XKR9: variants seen among roughly 807,000 people sequenced by gnomAD.
XKR9 encodes XK related 9.
A neutral mutation model predicts 32.0 loss-of-function variants in XKR9; 32 were observed. That is an observed-to-expected ratio of 1.00 (90% CI 0.76 to 1.34). The LOEUF is 1.34. XKR9 is among the 40% of genes most tolerant of loss of function. XKR9 has a pLI of 0.00. For missense variants in XKR9, 546 were observed against 429.7 expected (o/e 1.27, Z -2.39); for synonymous variants, 168 against 143.4 (o/e 1.17, Z -1.22).
chr8:70,875,123 G>T, the XKR9 span, among the ~76,000 whole-genome samples: 1 of 152,110 alleles, frequency 6.6e-6, no homozygotes, highest in Non-Finnish European at 1.5e-5. Flanking sequence ...GGTCCTACTT[G>T]TTCTCTGCCT....
chr8:70,844,521 C>G, the XKR9 span, among the ~76,000 whole-genome samples: 1 of 152,210 alleles, frequency 6.6e-6, no homozygotes, highest in Non-Finnish European at 1.5e-5. Flanking sequence ...TGCAGTCACC[C>G]AAGCATTCTG....
At chr8:70,855,242 C>T in the XKR9 span, among the ~76,000 whole-genome samples, 24 of 152,054 alleles carry the variant, frequency 1.6e-4, no homozygotes, top group Admixed American at 3.9e-4. Flanking sequence ...AAAAATTAGA[C>T]GAATGGTTAA....
the XKR9 span, among the ~76,000 whole-genome samples, chr8:70,904,284 A>T: frequency 6.6e-6 from 1 of 152,112 alleles, no homozygotes; most frequent in Admixed American, 6.6e-5. Flanking sequence ...GGCTTGCTTT[A>T]TGAATCTGGT....
chr8:70,938,629 G>A, the XKR9 span, among the ~76,000 whole-genome samples: 2 of 152,052 alleles, frequency 1.3e-5, no homozygotes, highest in Non-Finnish European at 2.9e-5. Flanking sequence ...GATGTTGAAA[G>A]ATACAAAAGC....
intron 2 of XKR9, among the ~76,000 whole-genome samples, chr8:70,771,500 A>T (rs1037540743): frequency 2.0e-5 from 3 of 152,154 alleles, no homozygotes; most frequent in African/African-American, 7.2e-5. Context: ...TGATCTATTC[A>T]CCTCACTTTC....
chr8:70,853,270 G>A, the XKR9 span, among the ~76,000 whole-genome samples: 1 of 152,008 alleles, frequency 6.6e-6, no homozygotes, highest in Non-Finnish European at 1.5e-5. Flanking sequence ...GAGGCGTGGG[G>A]TGTGGAGAAA....
At chr8:70,707,303 A>G (rs1805756498) in intron 4 of XKR9, 150 bp downstream of exon 4, 2 of 600,550 alleles carry the variant, frequency 3.3e-6, no homozygotes, top group African/African-American at 3.7e-5. Context: ...TTGAAATATC[A>G]AAAAGTATAT....
At chr8:70,851,700 T>C in the XKR9 span, among the ~76,000 whole-genome samples, 1 of 152,212 alleles carries the variant, frequency 6.6e-6, no homozygotes, top group Non-Finnish European at 1.5e-5. Flanking sequence ...CCCTATTTAA[T>C]GAATGGTGCT....
chr8:70,784,302 C>T (rs1586897674), intron 2 of XKR9, among the ~76,000 whole-genome samples: 1 of 152,090 alleles, frequency 6.6e-6, no homozygotes, highest in African/African-American at 2.4e-5. Context: ...GTAATATGGA[C>T]ATTTTCACAC....
At chr8:70,806,494 C>T in the XKR9 span, among the ~76,000 whole-genome samples, 1 of 152,224 alleles carries the variant, frequency 6.6e-6, no homozygotes, top group South Asian at 2.1e-4. Flanking sequence ...AAGTTCTAAC[C>T]CAATGCAAAG....
At chr8:70,912,224 C>A in the XKR9 span, among the ~76,000 whole-genome samples, 1 of 152,102 alleles carries the variant, frequency 6.6e-6, no homozygotes, top group African/African-American at 2.4e-5. Context: ...TTAGAAGTTT[C>A]ATACAGAAGA....
intron 4 of XKR9, among the ~76,000 whole-genome samples, chr8:70,728,750 G>C (rs953062016): frequency 6.6e-6 from 1 of 152,148 alleles, no homozygotes; most frequent in Non-Finnish European, 1.5e-5. Context: ...TTTACAAAAT[G>C]AACTTTAGTC....
At chr8:70,768,919 C>T (rs978396789) in intron 2 of XKR9, among the ~76,000 whole-genome samples, 2 of 152,044 alleles carry the variant, frequency 1.3e-5, no homozygotes, top group Non-Finnish European at 2.9e-5. Flanking sequence ...GGGCATTTAG[C>T]CCATTTACAT....
At chr8:70,708,334 C>T (rs1456832943) in intron 4 of XKR9, among the ~76,000 whole-genome samples, 1 of 152,022 alleles carries the variant, frequency 6.6e-6, no homozygotes, top group Non-Finnish European at 1.5e-5. Flanking sequence ...ATCTGGACTA[C>T]CTATGAGATC....
chr8:70,788,510 G>A (rs1334953970), intron 2 of XKR9, among the ~76,000 whole-genome samples: 1 of 146,804 alleles, frequency 6.8e-6, no homozygotes, highest in Admixed American at 6.9e-5. Flanking sequence ...GACTTTGCAG[G>A]CAAGCTTAAC....
At chr8:71,046,337 C>T in the XKR9 span, among the ~76,000 whole-genome samples, 68 of 152,262 alleles carry the variant, frequency 4.5e-4, no homozygotes, top group African/African-American at 1.5e-3. Flanking sequence ...TCAAGGCTGC[C>T]GAGGGAGATT....
chr8:70,814,157 A>G, the XKR9 span, among the ~76,000 whole-genome samples: 1 of 152,138 alleles, frequency 6.6e-6, no homozygotes, highest in Non-Finnish European at 1.5e-5. Flanking sequence ...CATGGATGAA[A>G]CTGGAAACCA....
intron 4 of XKR9, among the ~76,000 whole-genome samples, chr8:70,723,973 A>C (rs952407444): frequency 6.6e-6 from 1 of 151,342 alleles, no homozygotes; most frequent in African/African-American, 2.4e-5. Context: ...AGTCCGCTGA[A>C]ACTGCACCCA....
chr8:70,784,961 A>T (rs1416376693), intron 2 of XKR9, among the ~76,000 whole-genome samples: 1 of 151,868 alleles, frequency 6.6e-6, no homozygotes. Flanking sequence ...CCAGGTGATC[A>T]TATGATTTTT....
Sources: allele counts gnomAD v4.1 joint callset (sites outside exome capture counted in the v4.1 genomes callset), GRCh38; gene constraint gnomAD v4.1.1; transcripts MANE v1.5; gene names NCBI Gene and HGNC (gene_info 2026-07-23, HGNC 2026-07-21).